The following MEI4 variants were observed in gnomAD, a reference collection of about 807,000 sequenced individuals.
MEI4 encodes the protein meiosis-specific protein MEI4.
In MEI4, 27 loss-of-function variants were observed where a neutral mutation model predicts 31.4. The ratio of observed to expected loss-of-function variants is 0.86; its 90% CI spans 0.63 to 1.19. The LOEUF is 1.19. Ranked by LOEUF, MEI4 falls within the 50% of genes most tolerant of loss-of-function variation. MEI4 has a pLI of 0.00. For synonymous variants in MEI4, 122 were observed against 145.4 expected (o/e 0.84, Z 1.16); for missense variants, 329 against 398.9 (o/e 0.82, Z 1.49).
In MEI4 at chr6:77,809,142, C is replaced by G. The variant is rs747381417; in HGVS notation, c.769-19789C>G. 6.6e-4 allele frequency among the ~76,000 whole-genome samples: 101 copies of G among 152,266 alleles called. 3 individuals are homozygous for G. The highest frequency in any genetic ancestry group is 5.0e-4 in the Non-Finnish European group (34 of 68,030). ...TAAGTGACATTTGTTTATTTACTTA[C>G]TCAACATAATTATTGAACATCTACA... is the stretch of plus-strand genomic sequence containing the variant. On this transcript the variant is annotated intron_variant, in intron 3 of 4. Coordinates refer to ENST00000684080, the MANE Select transcript of MEI4 (RefSeq NM_001322247.2).
chr6:77,898,149 T>C (rs1766121137), intron 4 of MEI4, among the ~76,000 whole-genome samples: 1 of 152,046 alleles, frequency 6.6e-6, no homozygotes, highest in Non-Finnish European at 1.5e-5. Flanking sequence ...CCCTGCTTAT[T>C]TGTTAGCTGC....
chr6:77,731,272 C>T (rs1195946035), intron 2 of MEI4, among the ~76,000 whole-genome samples: 1 of 147,536 alleles, frequency 6.8e-6, no homozygotes, highest in Admixed American at 6.8e-5. Flanking sequence ...TATTTCTCCA[C>T]ATCCTCTCCA....
chr6:77,682,115 T>G (rs1768969615), intron 1 of MEI4, among the ~76,000 whole-genome samples: 1 of 152,232 alleles, frequency 6.6e-6, no homozygotes, highest in Non-Finnish European at 1.5e-5. Flanking sequence ...AATTTCTTAC[T>G]GTTCTAGCAT....
At chr6:77,764,030 T>C (rs1162491236) in intron 3 of MEI4, among the ~76,000 whole-genome samples, 1 of 152,118 alleles carries the variant, frequency 6.6e-6, no homozygotes, top group Non-Finnish European at 1.5e-5. Context: ...GCCAGGGTGA[T>C]CTTGATTTCT....
intron 4 of MEI4, among the ~76,000 whole-genome samples, chr6:77,871,327 T>C (rs1050229864): frequency 6.6e-6 from 1 of 152,224 alleles, no homozygotes; most frequent in East Asian, 1.9e-4. Flanking sequence ...CTAAAAAAGA[T>C]ATTTGAGAAA....
intron 4 of MEI4, among the ~76,000 whole-genome samples, chr6:77,918,394 C>G (rs1766617514): frequency 7.4e-6 from 1 of 135,706 alleles, no homozygotes; most frequent in Admixed American, 7.6e-5. Flanking sequence ...TTCTTCCTAC[C>G]CATGAGCATG....
chr6:77,817,916 G>GTCT (rs1769725075), intron 3 of MEI4, among the ~76,000 whole-genome samples: 1 of 152,156 alleles, frequency 6.6e-6, no homozygotes, highest in South Asian at 2.1e-4. Context: ...CTTAGGCAGT[G>GTCT]TCTTACTTCT....
At chr6:77,841,333 A>ATATATATATTTTTTTTTTTTTTT in intron 4 of MEI4, among the ~76,000 whole-genome samples, 3 of 27,736 alleles carry the variant, frequency 1.1e-4, no homozygotes, top group African/African-American at 9.8e-4. Flanking sequence ...ATATATATAT[A>ATATATATATTTTTTTTTTTTTTT]TTTTTTTTTT....
chr6:77,788,331 G>C (rs143822858), intron 3 of MEI4, among the ~76,000 whole-genome samples: 2,189 of 152,212 alleles, frequency 0.014, 55 homozygotes, highest in African/African-American at 0.05. Flanking sequence ...CATTCCCTTT[G>C]AAAACTGGCA....
chr6:77,840,203 A>G (rs903012902), intron 4 of MEI4, among the ~76,000 whole-genome samples: 3 of 152,346 alleles, frequency 2.0e-5, no homozygotes, highest in Admixed American at 6.5e-5. Context: ...ACTGAAAAAT[A>G]TACTATCTGA....
intron 4 of MEI4, among the ~76,000 whole-genome samples, chr6:77,920,554 A>G (rs1766679553): frequency 6.6e-6 from 1 of 151,900 alleles, no homozygotes; most frequent in African/African-American, 2.4e-5. Flanking sequence ...TATTTCTTTC[A>G]TGAATTACAC....
chr6:77,827,288 A>C (rs906680673), intron 3 of MEI4, among the ~76,000 whole-genome samples: 4 of 146,828 alleles, frequency 2.7e-5, no homozygotes, highest in Non-Finnish European at 6.0e-5. Context: ...GTGAACCCGG[A>C]AGGCAGAGCT....
intron 4 of MEI4, among the ~76,000 whole-genome samples, chr6:77,899,290 A>C (rs1766143150): frequency 6.6e-6 from 1 of 152,046 alleles, no homozygotes; most frequent in Admixed American, 6.6e-5. Flanking sequence ...ACCTGGAACA[A>C]AACTGGAGTC....
chr6:77,687,005 A>G (rs1205315065), intron 1 of MEI4, among the ~76,000 whole-genome samples: 2 of 152,000 alleles, frequency 1.3e-5, no homozygotes, highest in Non-Finnish European at 2.9e-5. Context: ...AAAGTTCAAT[A>G]AGGAAAAATT....
intron 2 of MEI4, among the ~76,000 whole-genome samples, chr6:77,752,066 A>G (rs1561974707): frequency 1.3e-5 from 2 of 152,194 alleles, no homozygotes; most frequent in Non-Finnish European, 1.5e-5. Context: ...ACAAAATTCA[A>G]CAGCCTTCAT....
intron 1 of MEI4, among the ~76,000 whole-genome samples, chr6:77,661,067 C>A (rs560425802): frequency 2.0e-5 from 3 of 152,058 alleles, no homozygotes; most frequent in Non-Finnish European, 2.9e-5. Flanking sequence ...CAAGAAAGTG[C>A]GTCCATATAA....
At chr6:77,788,341 A>G (rs1768807227) in intron 3 of MEI4, among the ~76,000 whole-genome samples, 1 of 152,206 alleles carries the variant, frequency 6.6e-6, no homozygotes, top group Non-Finnish European at 1.5e-5. Flanking sequence ...GAAAACTGGC[A>G]CAAGACAGGG....
At position 77,868,502 on chromosome 6, in the gene MEI4, C is replaced by CATATATAT. The variant is rs58946198; in HGVS notation, c.900+39459_900+39466dup. Among the ~76,000 whole-genome samples, 828 of 90,032 alleles carry CATATATAT rather than the reference C, an allele frequency of 9.2e-3. 42 individuals carry two copies. The highest frequency in any genetic ancestry group is 0.013 in the East Asian group (34 of 2,686). The allele number at this position is 90,032 out of a possible 152,430, so 59.1% of individuals were successfully genotyped here. On this transcript the variant is annotated intron_variant, in intron 4 of 4. Coordinates refer to ENST00000684080, the MANE Select transcript of MEI4 (RefSeq NM_001322247.2). ...AAAAACTTCCATGTAAAAAATACTA[C>CATATATAT]ATATATATATATATATATATATATA...
chr6:77,653,587 C>A (rs976546058), intron 1 of MEI4, among the ~76,000 whole-genome samples: 15 of 152,014 alleles, frequency 9.9e-5, no homozygotes, highest in African/African-American at 3.6e-4. Flanking sequence ...TTTTATTGTT[C>A]AATTTAAAAG....
Sources: allele counts gnomAD v4.1 joint callset (sites outside exome capture counted in the v4.1 genomes callset), GRCh38; gene constraint gnomAD v4.1.1; transcripts MANE v1.5; gene names NCBI Gene and HGNC (gene_info 2026-07-23, HGNC 2026-07-21).